The following INPP4B variants were observed in gnomAD, a reference collection of about 807,000 sequenced individuals.
INPP4B encodes inositol polyphosphate-4-phosphatase type II B, also known as inositol polyphosphate 4-phosphatase type II.
Under a neutral mutation model 122.5 loss-of-function variants are expected in INPP4B, and 55 were observed. That is an observed-to-expected ratio of 0.45 (90% CI 0.36 to 0.56). The LOEUF is 0.56. Among genes scored for constraint, INPP4B ranks in the 20% least tolerant of loss-of-function variants. The pLI, the probability that INPP4B is intolerant of heterozygous loss-of-function variation, is 0.00. For missense variants in INPP4B, 1,000 were observed against 1,097.7 expected, an observed-to-expected ratio of 0.91 and a Z score of 1.26; for synonymous variants, 403 against 388.7, an observed-to-expected ratio of 1.04 and a Z score of -0.43.
chr4:142,682,872 G>C (rs148512634), intron 2 of INPP4B, among the ~76,000 whole-genome samples: 4 of 151,750 alleles, frequency 2.6e-5, no homozygotes, highest in Non-Finnish European at 4.4e-5. Flanking sequence ...GTATAAAAAC[G>C]GTACTTTAGC....
chr4:142,567,042 G>T (rs760858340), intron 2 of INPP4B, among the ~76,000 whole-genome samples: 4 of 152,058 alleles, frequency 2.6e-5, no homozygotes, highest in African/African-American at 9.7e-5. Context: ...TTACACATCA[G>T]GTATCTGATC....
chr4:142,118,441 C>T (rs1794867766), intron 21 of INPP4B, among the ~76,000 whole-genome samples: 2 of 152,126 alleles, frequency 1.3e-5, no homozygotes, highest in Non-Finnish European at 2.9e-5. Flanking sequence ...GGTACCAAAA[C>T]AGAGACATAG....
chr4:142,405,086 C>A, intron 6 of INPP4B, 120 bp downstream of exon 6: 1 of 602,938 alleles, frequency 1.7e-6, no homozygotes. Context: ...CTTATTTCAG[C>A]TGTTCATTCA....
intron 2 of INPP4B, among the ~76,000 whole-genome samples, chr4:142,720,666 T>G (rs1052497515): frequency 2.2e-5 from 3 of 138,528 alleles, no homozygotes; most frequent in Non-Finnish European, 4.6e-5. Context: ...GATTCCCAGT[T>G]GGTTGAATCT....
At chr4:142,630,509 C>T (rs1379388085) in intron 2 of INPP4B, among the ~76,000 whole-genome samples, 1 of 152,050 alleles carries the variant, frequency 6.6e-6, no homozygotes, top group African/African-American at 2.4e-5. Context: ...AAGGCTTCTA[C>T]TTCTGTTAAT....
chr4:142,061,657 C>T (rs1401150049), intron 25 of INPP4B, among the ~76,000 whole-genome samples: 1 of 151,546 alleles, frequency 6.6e-6, no homozygotes, highest in African/African-American at 2.4e-5. Flanking sequence ...CATAAGAATA[C>T]ACATATATCT....
At chr4:142,670,763 T>A (rs1249213205) in intron 2 of INPP4B, among the ~76,000 whole-genome samples, 2 of 152,066 alleles carry the variant, frequency 1.3e-5, no homozygotes, top group Non-Finnish European at 2.9e-5. Context: ...AATAATATAT[T>A]GTATTATTAA....
At chr4:142,818,422 A>G (rs1311739458) in intron 1 of INPP4B, among the ~76,000 whole-genome samples, 1 of 150,624 alleles carries the variant, frequency 6.6e-6, no homozygotes, top group African/African-American at 2.5e-5. Context: ...TTTTCTACAA[A>G]AAAGGAAGGC....
At chr4:142,305,859 T>C (rs1763156872) in intron 8 of INPP4B, 3 of 1,099,376 alleles carry the variant, frequency 2.7e-6, no homozygotes, top group Non-Finnish European at 2.2e-6. Context: ...TAAAAGATGA[T>C]ATATTTTCCA....
chr4:142,381,445 C>T (rs772119152), intron 7 of INPP4B, among the ~76,000 whole-genome samples: 11 of 151,960 alleles, frequency 7.2e-5, no homozygotes, highest in Non-Finnish European at 1.3e-4. Flanking sequence ...TTCTGAAATC[C>T]GAACTCTCTA....
chr4:142,352,353 CCTT>C (rs1424322171), intron 7 of INPP4B, among the ~76,000 whole-genome samples: 1 of 151,904 alleles, frequency 6.6e-6, no homozygotes, highest in African/African-American at 2.4e-5. Context: ...CATCAACTTT[CCTT>C]CTTCTCTCCT....
At chr4:142,360,883 T>C (rs1310672225) in intron 7 of INPP4B, among the ~76,000 whole-genome samples, 3 of 151,974 alleles carry the variant, frequency 2.0e-5, no homozygotes, top group Non-Finnish European at 2.9e-5. Context: ...ATCAGTACTT[T>C]TGTTGTAAGA....
intron 1 of INPP4B, among the ~76,000 whole-genome samples, chr4:142,792,182 A>G (rs1483481630): frequency 1.3e-5 from 2 of 152,032 alleles, no homozygotes; most frequent in East Asian, 3.9e-4. Context: ...GAGCCCAGGA[A>G]TTTGAGACTG....
At chr4:142,498,841 A>G (rs1822996784) in intron 2 of INPP4B, among the ~76,000 whole-genome samples, 1 of 152,040 alleles carries the variant, frequency 6.6e-6, no homozygotes, top group Non-Finnish European at 1.5e-5. Flanking sequence ...AAAATAAATA[A>G]TTAATTGATT....
intron 2 of INPP4B, among the ~76,000 whole-genome samples, chr4:142,502,629 C>T (rs1823529294): frequency 6.6e-6 from 1 of 152,034 alleles, no homozygotes; most frequent in Non-Finnish European, 1.5e-5. Context: ...GCTGGGATTA[C>T]AGGTGGGCGC....
intron 25 of INPP4B, among the ~76,000 whole-genome samples, chr4:142,057,156 T>A (rs1758137939): frequency 7.2e-6 from 1 of 138,482 alleles, no homozygotes. Context: ...TGGGAACATA[T>A]AAATATCTCA....
chr4:142,648,166 T>C (rs1464599186), intron 2 of INPP4B, among the ~76,000 whole-genome samples: 2 of 152,266 alleles, frequency 1.3e-5, no homozygotes, highest in East Asian at 1.9e-4. Context: ...TGAAACTGCA[T>C]TGGCATAGGT....
intron 1 of INPP4B, among the ~76,000 whole-genome samples, chr4:142,791,523 T>C (rs75835675): frequency 6.6e-6 from 1 of 152,110 alleles, no homozygotes; most frequent in African/African-American, 2.4e-5. Flanking sequence ...TGACGCAGTT[T>C]ATTTTGTGTT....
intron 7 of INPP4B, among the ~76,000 whole-genome samples, chr4:142,399,865 C>A (rs1801033548): frequency 6.6e-6 from 1 of 152,140 alleles, no homozygotes. Context: ...CCTCCCCCAC[C>A]TGCTAAGCAT....
Sources: gnomAD v4.1 joint callset for allele counts (sites outside exome capture counted in the v4.1 genomes callset) on GRCh38, gnomAD v4.1.1 for gene constraint, MANE v1.5 for transcripts, NCBI Gene and HGNC (gene_info 2026-07-23, HGNC 2026-07-21) for gene names.